Variants in MAOB observed in about 807,000 individuals in gnomAD.
MAOB encodes amine oxidase [flavin-containing] B.
In MAOB, 15 loss-of-function variants were observed where a neutral mutation model predicts 41.9. The ratio of observed to expected loss-of-function variants is 0.36; its 90% CI spans 0.24 to 0.55. The LOEUF is 0.55. MAOB is among the 20% of genes least tolerant of loss of function. MAOB has a pLI of 0.86. For missense variants in MAOB, 345 were observed against 398.7 expected (o/e 0.87, Z 1.15); for synonymous variants, 167 against 144.2 (o/e 1.16, Z -1.13).
intron 5 of MAOB, among the ~76,000 whole-genome samples, chrX:43,800,070 A>C (rs778817115): frequency 8.9e-6 from 1 of 111,807 alleles, no homozygotes; most frequent in South Asian, 3.7e-4. Flanking sequence ...CCAGGAAATA[A>C]TACTGTGTGT....
At chrX:43,844,042 G>A in intron 1 of MAOB, 2 of 529,989 alleles carry the variant, frequency 3.8e-6, no homozygotes, top group Non-Finnish European at 5.0e-6. Context: ...TTGCATGTCT[G>A]ATAACATAAA....
intron 4 of MAOB, 86 bp downstream of exon 4, chrX:43,803,214 G>A: frequency 2.5e-6 from 2 of 813,772 alleles, no homozygotes; most frequent in South Asian, 7.1e-5. Context: ...CAATGTGCTA[G>A]GTGTTGGAGA....
intron 1 of MAOB, among the ~76,000 whole-genome samples, chrX:43,866,804 G>A (rs1276274495): frequency 8.9e-6 from 1 of 112,707 alleles, no homozygotes. Flanking sequence ...AGCAGACTCT[G>A]GGAACTACAG....
chrX:43,805,570 G>A (rs187474399), intron 3 of MAOB, among the ~76,000 whole-genome samples: 115 of 111,533 alleles, frequency 1.0e-3, no homozygotes, highest in African/African-American at 3.4e-3. Context: ...CTTTGTATCT[G>A]GCGTCTTTTG....
intron 1 of MAOB, among the ~76,000 whole-genome samples, chrX:43,853,082 C>T (rs1014793049): frequency 2.7e-5 from 3 of 109,189 alleles, no homozygotes; most frequent in Non-Finnish European, 5.7e-5. Context: ...GGGCGGATCA[C>T]GATGTGAAAC....
At chrX:43,798,490 A>C (rs1426615070) in intron 5 of MAOB, among the ~76,000 whole-genome samples, 1 of 112,355 alleles carries the variant, frequency 8.9e-6, no homozygotes, top group East Asian at 2.8e-4. Context: ...AACAATTAAT[A>C]GAGCATAAAT....
chrX:43,848,465 T>G (rs1245472746), intron 1 of MAOB, among the ~76,000 whole-genome samples: 3 of 112,025 alleles, frequency 2.7e-5, no homozygotes, highest in African/African-American at 9.7e-5. Flanking sequence ...AAAGAATCCC[T>G]ATTGTAATCC....
chrX:43,850,001 T>C (rs1569229350), intron 1 of MAOB, among the ~76,000 whole-genome samples: 5 of 112,535 alleles, frequency 4.4e-5, no homozygotes. Context: ...CTTACATTTG[T>C]ACAGCATTGC....
At chrX:43,779,215 A>G (rs1032124125) in intron 10 of MAOB, among the ~76,000 whole-genome samples, 2 of 112,224 alleles carry the variant, frequency 1.8e-5, no homozygotes, top group Admixed American at 9.5e-5. Context: ...AACCAAATAT[A>G]TAAGGAAATT....
At chrX:43,791,486 G>C (rs1157141642) in intron 8 of MAOB, among the ~76,000 whole-genome samples, 1 of 112,090 alleles carries the variant, frequency 8.9e-6, no homozygotes, top group Non-Finnish European at 1.9e-5. Context: ...AAATTAAATA[G>C]AATTCTTATG....
chrX:43,770,167 G>A (rs1395764843), intron 12 of MAOB, among the ~76,000 whole-genome samples: 1 of 111,191 alleles, frequency 9.0e-6, no homozygotes, highest in Admixed American at 9.6e-5. Context: ...TACCTACTAG[G>A]TCATGCCTCC....
At chrX:43,863,566 T>A (rs2035347194) in intron 1 of MAOB, among the ~76,000 whole-genome samples, 1 of 111,744 alleles carries the variant, frequency 8.9e-6, no homozygotes, top group Admixed American at 9.5e-5. Flanking sequence ...CTTATAAAAA[T>A]AATTATAATT....
chrX:43,821,431 G>A (rs2034879534), intron 3 of MAOB, among the ~76,000 whole-genome samples: 1 of 111,845 alleles, frequency 8.9e-6, no homozygotes, highest in Non-Finnish European at 1.9e-5. Flanking sequence ...CCCGGCTGCA[G>A]CCTCACTGGG....
chrX:43,882,327 G>C lies in MAOB; in HGVS notation c.-28C>G. 1 of 1,198,585 alleles carries C rather than the reference G, an allele frequency of 8.3e-7. No individual in the cohort carries two copies. Among genetic ancestry groups the C allele is most frequent in the Non-Finnish European group, 1.1e-6 (1 of 889,691 alleles). On this transcript the variant is annotated 5_prime_UTR_variant, in exon 1 of 15. Coordinates refer to ENST00000378069, the MANE Select transcript of MAOB (RefSeq NM_000898.5). Reference sequence around the variant, plus strand: ...CGCTCGCCCCGTTCCAGGCCTCCCTGGTGCCCGCTGCTCCGTTTTCTGGGC... The same window carrying C: ...CGCTCGCCCCGTTCCAGGCCTCCCTCGTGCCCGCTGCTCCGTTTTCTGGGC...
At position 43,769,322 on chromosome X, in the gene MAOB, C is replaced by T; in HGVS notation, c.1332G>A (p.Glu444=). The stretch of plus-strand genomic sequence containing the variant: ...CAGACCCTACCTCTCGGGCTGCTCT[C>T]TCCCCGGCCTCTACAGCCCCCTCCA... ...GYMEGAVEAG[E]RAAREILHAM... is the part of the protein sequence containing the mutation. The change falls in exon 13 of 15, where the codon GAG becomes GAA. Residue 444 remains glutamate (E), a synonymous_variant. Coordinates refer to ENST00000378069, the MANE Select transcript of MAOB (RefSeq NM_000898.5). The T allele has an allele frequency of 8.3e-7, 1 of 1,208,687 alleles. No homozygotes were observed. The highest frequency in any genetic ancestry group is 1.1e-6 in the Non-Finnish European group (1 of 894,477).
intron 1 of MAOB, among the ~76,000 whole-genome samples, chrX:43,865,323 T>C (rs1389368595): frequency 8.9e-6 from 1 of 112,382 alleles, no homozygotes; most frequent in African/African-American, 3.2e-5. Context: ...TGTTTGATTC[T>C]ATTTGTATAA....
chrX:43,769,292 G>C lies in MAOB; in HGVS notation c.1347+15C>G. On this transcript the variant is annotated intron_variant, in intron 13 of 14. Coordinates refer to ENST00000378069, the MANE Select transcript of MAOB (RefSeq NM_000898.5). The stretch of plus-strand genomic sequence containing the variant: ...AGTTGCCTCCTTCCCCATAATCTAT[G>C]ACCCCAGACCCTACCTCTCGGGCTG... The C allele has an allele frequency of 1.7e-6, 2 of 1,164,023 alleles. No homozygotes were observed. Among genetic ancestry groups the C allele is most frequent in the Non-Finnish European group, 2.3e-6 (2 of 875,834 alleles).
chrX:43,774,099 T>C (rs2034221667), intron 12 of MAOB, among the ~76,000 whole-genome samples: 1 of 111,801 alleles, frequency 8.9e-6, no homozygotes, highest in Non-Finnish European at 1.9e-5. Flanking sequence ...ATTCGACCAG[T>C]TTTCATGGAC....
rs1601965680 is a variant in MAOB, at chrX:43,777,718, G to A, written c.1137+964C>T. Among the ~76,000 whole-genome samples, 3 of 111,795 alleles carry A rather than the reference G, an allele frequency of 2.7e-5. No individual in the cohort carries two copies. In the South Asian group the frequency reaches 1.1e-3, roughly 42 times the overall value. ...TACTACAGAGACTTGGATTTAAGAG[G>A]CTTAACAAGTTAAACATTCTCAGCC... On this transcript the variant is annotated intron_variant, in intron 11 of 14. Transcript: ENST00000378069.
Sources: allele counts gnomAD v4.1 joint callset (sites outside exome capture counted in the v4.1 genomes callset), GRCh38; gene constraint gnomAD v4.1.1; transcripts MANE v1.5; gene names NCBI Gene and HGNC (gene_info 2026-07-23, HGNC 2026-07-21).